ANKHD1: variants seen among roughly 807,000 people sequenced by gnomAD.
ANKHD1 encodes ankyrin repeat and KH domain containing 1.
ANKHD1 carries 31 observed loss-of-function variants against 230.5 expected under a neutral mutation model. The observed-to-expected ratio is 0.13, with a 90% CI of 0.10 to 0.18. The LOEUF (loss-of-function observed/expected upper bound fraction) is 0.18. Among genes scored for constraint, ANKHD1 ranks in the 10% least tolerant of loss-of-function variants. The probability of loss-of-function intolerance (pLI) is 1.00; values close to 1 mark genes in which losing one functional copy is unlikely to be tolerated. For missense variants in ANKHD1, 2,256 were observed against 3,071.3 expected, an observed-to-expected ratio of 0.73 and a Z score of 6.27; for synonymous variants, 1,074 against 1,117.6, an observed-to-expected ratio of 0.96 and a Z score of 0.78.
chr5:140,505,910 G>A (rs1752514006), intron 18 of ANKHD1, 41 bp downstream of exon 18: 1 of 1,537,926 alleles, frequency 6.5e-7, no homozygotes, highest in Non-Finnish European at 8.7e-7. Context: ...TATTTTGCTT[G>A]TATTTTAAAA....
chr5:140,494,006 C>G (rs1301937049), intron 14 of ANKHD1, among the ~76,000 whole-genome samples: 1 of 152,150 alleles, frequency 6.6e-6, no homozygotes, highest in Non-Finnish European at 1.5e-5. Context: ...ATCTTAAATA[C>G]AAATTGCTTA....
chr5:140,497,608 A>G (rs1178767114), intron 15 of ANKHD1, among the ~76,000 whole-genome samples: 3 of 152,190 alleles, frequency 2.0e-5, no homozygotes, highest in Non-Finnish European at 2.9e-5. Flanking sequence ...AGGCTTTTAG[A>G]AGTATTCGTA....
intron 1 of ANKHD1, among the ~76,000 whole-genome samples, chr5:140,432,382 A>G (rs946552792): frequency 1.3e-5 from 2 of 152,164 alleles, no homozygotes; most frequent in African/African-American, 4.8e-5. Flanking sequence ...TAATGTTTTC[A>G]AGGTTCATCT....
At chr5:140,504,588 C>T (rs945291793) in intron 15 of ANKHD1, among the ~76,000 whole-genome samples, 2 of 152,090 alleles carry the variant, frequency 1.3e-5, no homozygotes, top group Non-Finnish European at 2.9e-5. Flanking sequence ...CCATTATTTT[C>T]GCCATTCTAC....
In ANKHD1 at chr5:140,458,086, T is replaced by TG. The variant is rs557449683; in HGVS notation, c.1243-537dup. Among the ~76,000 whole-genome samples, 5 of 152,330 alleles carry TG rather than the reference T, an allele frequency of 3.3e-5. No homozygotes were observed. In the South Asian group the frequency reaches 1.0e-3, roughly 32 times the overall value. ...TGTTGTGATTAGGAAAAATATAGGA[T>TG]GGTGTCAATCCAGAGACATTTATGT... On this transcript the variant is annotated intron_variant, in intron 7 of 33. Coordinates refer to ENST00000360839, the MANE Select transcript of ANKHD1 (RefSeq NM_017747.3).
chr5:140,534,855 A>AT (rs1754001533), intron 29 of ANKHD1, among the ~76,000 whole-genome samples: 1 of 152,244 alleles, frequency 6.6e-6, no homozygotes, highest in Admixed American at 6.5e-5. Context: ...TATCAGATAG[A>AT]ATACTGAAAT....
At chr5:140,459,927 T>C (rs1191980235) in intron 9 of ANKHD1, among the ~76,000 whole-genome samples, 1 of 152,188 alleles carries the variant, frequency 6.6e-6, no homozygotes, top group African/African-American at 2.4e-5. Flanking sequence ...CTAAAACTGA[T>C]TTTTAAAAAG....
intron 2 of ANKHD1, among the ~76,000 whole-genome samples, chr5:140,437,573 G>T (rs1224079516): frequency 6.6e-6 from 1 of 152,144 alleles, no homozygotes; most frequent in Non-Finnish European, 1.5e-5. Flanking sequence ...GGGCGTGGCG[G>T]CGCACCCCTG....
In ANKHD1 at chr5:140,527,143, A is replaced by G; in HGVS notation, c.5087+69A>G. 6.8e-7 allele frequency: 1 copy of G among 1,476,144 alleles called. No individual in the cohort carries two copies. Among genetic ancestry groups the G allele is most frequent in the Middle Eastern group, 1.8e-4 (1 of 5,570 alleles). The allele number at this position is 1,476,144 out of a possible 1,614,324, so 91.4% of individuals were successfully genotyped here. ...CCTTTCTCATGTGAGATGGCTACCTAGTTAATTAATGAATAATTTGAATGT... is the reference window on the plus strand; with the variant it reads ...CCTTTCTCATGTGAGATGGCTACCTGGTTAATTAATGAATAATTTGAATGT... On this transcript the variant is annotated intron_variant, in intron 27 of 33. Transcript: ENST00000360839. The surrounding 1 kb of genome is among the most constrained non-coding windows in gnomAD (Gnocchi z 4.5).
chr5:140,438,655 T>G, intron 3 of ANKHD1, 38 bp downstream of exon 3: 1 of 1,496,350 alleles, frequency 6.7e-7, no homozygotes, highest in African/African-American at 1.4e-5. Context: ...AGACATTTTC[T>G]TGAATAGATT....
intron 6 of ANKHD1, among the ~76,000 whole-genome samples, chr5:140,447,919 G>T (rs956549720): frequency 2.0e-5 from 3 of 152,152 alleles, no homozygotes; most frequent in Admixed American, 2.0e-4. Context: ...CTGCAAGAGG[G>T]GCAGAGAAAC....
intron 1 of ANKHD1, among the ~76,000 whole-genome samples, chr5:140,423,943 C>T (rs1215233294): frequency 6.6e-6 from 1 of 152,182 alleles, no homozygotes; most frequent in Non-Finnish European, 1.5e-5. Flanking sequence ...TTAGCTCTCT[C>T]TCCCATGCTG....
chr5:140,496,443 CT>C (rs368980981), intron 14 of ANKHD1, 76 bp from the exon 15 acceptor site: 24,454 of 689,868 alleles, frequency 0.035, 2 homozygotes, highest in Non-Finnish European at 0.037. Context: ...GGCTGGTTTT[CT>C]TTTTTTTTTT....
intron 7 of ANKHD1, among the ~76,000 whole-genome samples, chr5:140,452,239 G>A (rs1262020305): frequency 6.6e-6 from 1 of 152,198 alleles, no homozygotes; most frequent in Admixed American, 6.5e-5. Context: ...AAACTGGGTG[G>A]AGCCCACTGC....
intron 10 of ANKHD1, among the ~76,000 whole-genome samples, chr5:140,482,222 A>T (rs1751311203): frequency 6.6e-6 from 1 of 152,146 alleles, no homozygotes. Flanking sequence ...GATTCTTCTA[A>T]TCATTTCACA....
intron 24 of ANKHD1, among the ~76,000 whole-genome samples, chr5:140,513,819 AAAAAG>A (rs963619795): frequency 2.0e-5 from 3 of 151,260 alleles, no homozygotes; most frequent in South Asian, 2.1e-4. Context: ...AAAAAAAAAA[AAAAAG>A]AAAGAAATTA....
chr5:140,436,168 T>C lies in ANKHD1; in HGVS notation c.371T>C (p.Ile124Thr). The C allele has an allele frequency of 1.2e-6, 2 of 1,610,282 alleles. No homozygotes were observed. The highest frequency in any genetic ancestry group is 1.7e-6 in the Non-Finnish European group (2 of 1,178,292). ...CCAGTGCTTAAAACAACATCAGAGA[T>C]ATTCTTATCAAGTACTGCAGAAGGA... ...DNPVLKTTSE[I>T]FLSSTAEGAD... Residue 124 changes from isoleucine (I) to threonine (T), a missense_variant, in exon 2 of 34, where the codon ATA becomes ACA. Physicochemically the swap from Ile to Thr is moderately conservative, Grantham distance 89. Transcript: ENST00000360839.
In ANKHD1 at chr5:140,402,142, AGCGGCG is replaced by A. The variant is rs751122692; in HGVS notation, c.184_189del (p.Gly62_Gly63del). 7.1e-6 allele frequency: 11 copies of A among 1,544,500 alleles called. No individual in the cohort carries two copies. Among genetic ancestry groups the A allele is most frequent in the South Asian group, 6.0e-5 (5 of 83,016 alleles). On this transcript the variant is annotated inframe_deletion, in exon 1 of 34. Transcript: ENST00000360839. ...CGGGCCAGCGTCGGGAGTCGGCAGC[AGCGGCG>A]GCGGCGGCAGCGGCAGCGGTACGGG...
At position 140,464,659 on chromosome 5, in the gene ANKHD1, T is replaced by C. The variant is rs745964758; in HGVS notation, c.1673-8T>C. The C allele has an allele frequency of 6.5e-6, 10 of 1,529,068 alleles. No homozygotes were observed. The South Asian group carries it at 1.3e-4, about 20-fold the overall frequency. 94.7% of individuals were successfully genotyped at this position (1,529,068 alleles called of 1,614,324 possible). On this transcript the variant is annotated splice_region_variant and splice_polypyrimidine_tract_variant and intron_variant, in intron 9 of 33. Transcript: ENST00000360839. ...CACAAAGTAAATGTATGCTTTTTTG[T>C]TTGCTAGGCGCTAATGTGCATGCTA...
Sources: gnomAD v4.1 joint callset for allele counts (sites outside exome capture counted in the v4.1 genomes callset) on GRCh38, gnomAD v4.1.1 for gene constraint, Gnocchi (gnomAD v3.1) non-coding constraint, MANE v1.5 for transcripts, NCBI Gene and HGNC (gene_info 2026-07-23, HGNC 2026-07-21) for gene names.